Variants in SSH2 observed in about 807,000 individuals in gnomAD.
SSH2 encodes protein phosphatase Slingshot homolog 2.
SSH2 carries 37 observed loss-of-function variants against 135.2 expected under a neutral mutation model. That is an observed-to-expected ratio of 0.27 (90% CI 0.21 to 0.36). SSH2 has a LOEUF of 0.36. SSH2 is among the 10% of genes least tolerant of loss of function. The pLI, the probability that SSH2 is intolerant of heterozygous loss-of-function variation, is 1.00. For synonymous variants in SSH2, 628 were observed against 646.2 expected, an observed-to-expected ratio of 0.97 and a Z score of 0.43; for missense variants, 1,408 against 1,765.3, an observed-to-expected ratio of 0.80 and a Z score of 3.63.
chr17:29,750,290 T>C (rs1248719766), intron 3 of SSH2, among the ~76,000 whole-genome samples: 1 of 150,280 alleles, frequency 6.7e-6, no homozygotes, highest in Non-Finnish European at 1.5e-5. Flanking sequence ...AATATACAAA[T>C]TAGCCAGGCG....
intron 5 of SSH2, among the ~76,000 whole-genome samples, chr17:29,690,012 CAAAAAAAAAAAA>C (rs946244880): frequency 1.6e-4 from 5 of 31,364 alleles, no homozygotes; most frequent in South Asian, 1.3e-3. Flanking sequence ...AGATCCATCT[CAAAAAAAAAAAA>C]AAAAAAAAAA....
intron 2 of SSH2, among the ~76,000 whole-genome samples, chr17:29,812,643 C>T (rs1283485135): frequency 1.3e-5 from 2 of 152,180 alleles, no homozygotes; most frequent in African/African-American, 4.8e-5. Flanking sequence ...GTAATCCCAG[C>T]ACTTTGGGAC....
At chr17:29,763,940 C>G (rs915650159) in intron 3 of SSH2, among the ~76,000 whole-genome samples, 15 of 139,392 alleles carry the variant, frequency 1.1e-4, no homozygotes, top group Non-Finnish European at 2.0e-4. Flanking sequence ...TAGAACATGT[C>G]TCCTGCTTTT....
chr17:29,687,760 T>A (rs1269329757), intron 5 of SSH2, among the ~76,000 whole-genome samples: 1 of 152,234 alleles, frequency 6.6e-6, no homozygotes, highest in African/African-American at 2.4e-5. Context: ...GGCTCTTTTA[T>A]TCTCTGTCAA....
chr17:29,777,037 C>T (rs1394341011), intron 3 of SSH2, among the ~76,000 whole-genome samples: 1 of 151,854 alleles, frequency 6.6e-6, no homozygotes, highest in South Asian at 2.1e-4. Context: ...CATGGTGAAA[C>T]CTTGTCTCTA....
intron 2 of SSH2, among the ~76,000 whole-genome samples, chr17:29,843,519 T>C (rs1045315858): frequency 6.6e-6 from 1 of 151,052 alleles, no homozygotes; most frequent in African/African-American, 2.4e-5. Flanking sequence ...ATCGTGCCAC[T>C]GCACTCCAGC....
intron 1 of SSH2, among the ~76,000 whole-genome samples, chr17:29,849,323 G>T (rs2065504294): frequency 6.6e-6 from 1 of 151,686 alleles, no homozygotes; most frequent in African/African-American, 2.4e-5. Context: ...ACTAAAAATA[G>T]AAAAAATTAG....
chr17:29,698,659 C>T (rs1240451668), intron 4 of SSH2, among the ~76,000 whole-genome samples: 1 of 151,892 alleles, frequency 6.6e-6, no homozygotes, highest in Non-Finnish European at 1.5e-5. Flanking sequence ...CAACGCCTAG[C>T]TAATTTTTTG....
rs1424555459 is a variant in SSH2, at chr17:29,629,301, T to C, written c.*1540A>G. On this transcript the variant is annotated 3_prime_UTR_variant, in exon 16 of 16. Coordinates refer to ENST00000540801, the MANE Select transcript of SSH2 (RefSeq NM_001282129.2). The stretch of plus-strand genomic sequence containing the variant: ...TTCAGCCTCTACTAGGAGCTTCCAC[T>C]CTGGGCAACTCACATATACTTCCTG... The C allele has an allele frequency of 6.6e-6, 1 of 152,670 alleles. No homozygotes were observed. Among genetic ancestry groups the C allele is most frequent in the Non-Finnish European group, 1.5e-5 (1 of 68,044 alleles). 9.5% of individuals were successfully genotyped at this position (152,670 alleles called of 1,614,324 possible). A position where few individuals can be genotyped will look rare whatever the true frequency, so the allele number is the denominator to read the frequency against.
chr17:29,662,835 A>G (rs1325134928), intron 11 of SSH2, among the ~76,000 whole-genome samples: 1 of 152,222 alleles, frequency 6.6e-6, no homozygotes, highest in Non-Finnish European at 1.5e-5. Context: ...CAAATCTTGT[A>G]ATGTCAAATC....
chr17:29,680,794 G>A (rs1481651863), intron 6 of SSH2, among the ~76,000 whole-genome samples: 8 of 152,018 alleles, frequency 5.3e-5, no homozygotes, highest in Non-Finnish European at 1.2e-4. Flanking sequence ...TTTTACAGTA[G>A]CTTTTTGTTT....
At chr17:29,873,020 T>C (rs568780351) in intron 1 of SSH2, among the ~76,000 whole-genome samples, 2 of 151,762 alleles carry the variant, frequency 1.3e-5, no homozygotes, top group East Asian at 3.9e-4. Flanking sequence ...TATTTTTTGG[T>C]ACAGTAAGGT....
rs761983138 is a variant in SSH2 at position 29,636,171 on chromosome 17, C to A, written c.2059G>T (p.Val687Leu). Reference protein sequence around the residue: ...IDFFSALEKFVELSQETRSRS... With the variant: ...IDFFSALEKFLELSQETRSRS... ...GACCGGGTTTCTTGGGAGAGCTCCA[C>A]AAACTTCTCTAGGGCACTAAAAAAG... Residue 687 changes from valine to leucine, a missense_variant, in exon 15 of 16, where the codon GTG becomes TTG. By Grantham distance (32) the Val-to-Leu change is conservative. Transcript: ENST00000540801. The A allele has an allele frequency of 6.2e-7, 1 of 1,614,062 alleles. No individual in the cohort carries two copies. Among genetic ancestry groups the A allele is most frequent in the Non-Finnish European group, 8.5e-7 (1 of 1,180,048 alleles).
At chr17:29,913,994 C>T (rs1292941039) in intron 1 of SSH2, among the ~76,000 whole-genome samples, 1 of 152,086 alleles carries the variant, frequency 6.6e-6, no homozygotes, top group South Asian at 2.1e-4. Flanking sequence ...CATCTAAAAT[C>T]CCCCAAGCAA....
At chr17:29,790,530 A>T (rs2042045290) in intron 3 of SSH2, among the ~76,000 whole-genome samples, 1 of 152,132 alleles carries the variant, frequency 6.6e-6, no homozygotes, top group African/African-American at 2.4e-5. Flanking sequence ...GTAGTTCTTT[A>T]TATCCACATT....
intron 5 of SSH2, among the ~76,000 whole-genome samples, chr17:29,694,133 A>G (rs536955631): frequency 6.6e-6 from 1 of 152,256 alleles, no homozygotes; most frequent in East Asian, 1.9e-4. Flanking sequence ...TGTATTTTAT[A>G]TGTGGCCCAA....
chr17:29,692,173 A>T (rs954993701), intron 5 of SSH2, among the ~76,000 whole-genome samples: 16 of 152,038 alleles, frequency 1.1e-4, no homozygotes, highest in Middle Eastern at 3.4e-3. Context: ...AAATAAAAAA[A>T]AAAAAACAAG....
chr17:29,870,263 C>T (rs1176361796), intron 1 of SSH2, among the ~76,000 whole-genome samples: 1 of 136,766 alleles, frequency 7.3e-6, no homozygotes, highest in Non-Finnish European at 1.5e-5. Flanking sequence ...GGAAATATTT[C>T]TAAAGCAGAA....
rs1461267487 is a variant in SSH2, at chr17:29,909,247, A to G, written c.63+20691T>C. ...TAACTAGGAGAATAAATTTCTATGT[A>G]TCTTTCCAATTAACTAGACCTGTCC... On this transcript the variant is annotated intron_variant, in intron 1 of 15. Coordinates refer to ENST00000540801, the MANE Select transcript of SSH2 (RefSeq NM_001282129.2). Among the ~76,000 whole-genome samples the G allele has an allele frequency of 3.9e-5, 6 of 152,334 alleles. No individual in the cohort carries two copies. In the East Asian group the frequency reaches 1.2e-3, roughly 29 times the overall value.
Sources: allele counts gnomAD v4.1 joint callset (sites outside exome capture counted in the v4.1 genomes callset), GRCh38; gene constraint gnomAD v4.1.1; transcripts MANE v1.5; gene names NCBI Gene and HGNC (gene_info 2026-07-23, HGNC 2026-07-21).